The following LRTM3 variants were observed in gnomAD, a reference collection of about 807,000 sequenced individuals.
LRTM3 encodes leucine-rich repeat transmembrane protein 3.
the LRTM3 span, chr13:102,732,804 C>T: frequency 6.4e-7 from 1 of 1,551,250 alleles, no homozygotes; most frequent in Admixed American, 2.0e-5. Context: ...AATTTCCCTT[C>T]TTTCTGATTC....
the LRTM3 span, among the ~76,000 whole-genome samples, chr13:102,752,771 C>T: frequency 2.7e-3 from 411 of 152,214 alleles, 2 homozygotes; most frequent in African/African-American, 9.0e-3. Context: ...TATTTGTAGA[C>T]GTGGCCTTTA....
At chr13:102,746,347 A>G in the LRTM3 span, 39 of 1,550,592 alleles carry the variant, frequency 2.5e-5, no homozygotes, top group Admixed American at 5.9e-5. Flanking sequence ...GGGATATGCT[A>G]TTCTTAGCAA....
chr13:102,751,384 CACACAT>C, the LRTM3 span, among the ~76,000 whole-genome samples: 2 of 145,762 alleles, frequency 1.4e-5, no homozygotes, highest in Non-Finnish European at 3.0e-5. Context: ...CACACACACA[CACACAT>C]ATCCTACTGG....
At chr13:102,751,377 AC>A in the LRTM3 span, among the ~76,000 whole-genome samples, 1 of 141,568 alleles carries the variant, frequency 7.1e-6, no homozygotes, top group Non-Finnish European at 1.6e-5. Context: ...ACACACACAC[AC>A]ACACACACAC....
chr13:102,737,901 C>G, the LRTM3 span: 1 of 1,550,894 alleles, frequency 6.4e-7, no homozygotes, highest in Non-Finnish European at 8.7e-7. Context: ...AGGAACAGAA[C>G]TCTTTCCTGT....
chr13:102,746,683 A>G, the LRTM3 span: 1 of 1,551,192 alleles, frequency 6.4e-7, no homozygotes, highest in Non-Finnish European at 8.7e-7. Context: ...CAGGAGTGCA[A>G]TAATTGAAAG....
chr13:102,733,456 G>A, the LRTM3 span: 3 of 1,551,250 alleles, frequency 1.9e-6, no homozygotes, highest in Admixed American at 2.0e-5. Context: ...AATTTGCAGG[G>A]GTGCCAAGTG....
the LRTM3 span, chr13:102,741,507 T>C: frequency 6.5e-7 from 1 of 1,549,330 alleles, no homozygotes; most frequent in Non-Finnish European, 8.7e-7. Flanking sequence ...ACATGTGAAC[T>C]AATTTTTCTG....
chr13:102,735,321 G>T, the LRTM3 span: 54 of 1,551,242 alleles, frequency 3.5e-5, no homozygotes, highest in Non-Finnish European at 4.6e-5. Context: ...TCACTTGAAA[G>T]TTCTCCATGG....
chr13:102,742,467 C>A, the LRTM3 span: 454 of 1,549,274 alleles, frequency 2.9e-4, 2 homozygotes, highest in African/African-American at 5.1e-3. Flanking sequence ...GTTTTCCAGT[C>A]TGCAGTTTTA....
At chr13:102,750,885 T>C in the LRTM3 span, among the ~76,000 whole-genome samples, 1 of 152,156 alleles carries the variant, frequency 6.6e-6, no homozygotes, top group Non-Finnish European at 1.5e-5. Flanking sequence ...AGTACAATTT[T>C]GGGCCGGAGT....
the LRTM3 span, chr13:102,742,925 T>C: frequency 1.9e-6 from 3 of 1,549,950 alleles, no homozygotes; most frequent in East Asian, 7.3e-5. Context: ...ATTATCTGAT[T>C]TCTCCATCCT....
chr13:102,736,255 C>A, the LRTM3 span: 7 of 1,550,684 alleles, frequency 4.5e-6, no homozygotes, highest in African/African-American at 9.6e-5. Flanking sequence ...CTGTCCTGTC[C>A]TGCTTCTGTC....
the LRTM3 span, chr13:102,742,774 A>G: frequency 4.5e-6 from 7 of 1,550,598 alleles, no homozygotes; most frequent in Non-Finnish European, 6.1e-6. Flanking sequence ...CTTCTGAAGC[A>G]GGTGAATGCC....
chr13:102,743,585 T>G, the LRTM3 span: 4 of 1,549,980 alleles, frequency 2.6e-6, no homozygotes, highest in Non-Finnish European at 3.5e-6. Flanking sequence ...GTTTTTAGAG[T>G]CAGATAAAAC....
the LRTM3 span, chr13:102,742,543 C>A: frequency 6.4e-7 from 1 of 1,550,582 alleles, no homozygotes; most frequent in Non-Finnish European, 8.7e-7. Flanking sequence ...CTGGATTAAA[C>A]TCTTCTGCAA....
At chr13:102,756,673 T>TAAAA in the LRTM3 span, among the ~76,000 whole-genome samples, 20 of 66,992 alleles carry the variant, frequency 3.0e-4, no homozygotes, top group East Asian at 6.7e-4. Context: ...AAACTCTGTC[T>TAAAA]AAAAAAAAAA....
At chr13:102,731,193 C>T in the LRTM3 span, 2 of 1,551,432 alleles carry the variant, frequency 1.3e-6, no homozygotes, top group Non-Finnish European at 1.7e-6. Context: ...TCACTTGAAA[C>T]ATCAACAATC....
the LRTM3 span, chr13:102,745,136 CTTCCTT>C: frequency 6.4e-7 from 1 of 1,550,750 alleles, no homozygotes. Context: ...AATTTTCCTA[CTTCCTT>C]GGTTTTCTAA....
Sources: allele counts gnomAD v4.1 joint callset (sites outside exome capture counted in the v4.1 genomes callset), GRCh38; gene constraint gnomAD v4.1.1; transcripts MANE v1.5; gene names NCBI Gene and HGNC (gene_info 2026-07-23, HGNC 2026-07-21).